The following KCNH8 variants were observed in gnomAD, a reference collection of about 807,000 sequenced individuals.
KCNH8 encodes the protein potassium voltage-gated channel subfamily H member 8, also known as voltage-gated delayed rectifier potassium channel KCNH8.
In KCNH8, 70 loss-of-function variants were observed where a neutral mutation model predicts 103.6. That is an observed-to-expected ratio of 0.68 (90% CI 0.56 to 0.82). The LOEUF (loss-of-function observed/expected upper bound fraction) is 0.82. Ranked by LOEUF, KCNH8 falls within the 40% of genes least tolerant of loss-of-function variation. The probability of loss-of-function intolerance (pLI) is 0.00; values close to 1 mark genes in which losing one functional copy is unlikely to be tolerated. For missense variants in KCNH8, 1,217 were observed against 1,329.9 expected, an observed-to-expected ratio of 0.92 and a Z score of 1.32; for synonymous variants, 498 against 489.4, an observed-to-expected ratio of 1.02 and a Z score of -0.23.
intron 6 of KCNH8, among the ~76,000 whole-genome samples, chr3:19,392,424 CT>C (rs1458067009): frequency 1.3e-5 from 2 of 151,704 alleles, no homozygotes; most frequent in African/African-American, 4.8e-5. Context: ...AAGCTGGCAC[CT>C]AAATTCGTTA....
Position 19,409,019 on chromosome 3 carries a change from AC to A in KCNH8, c.1177+13709del, listed in dbSNP as rs1168742027. On this transcript the variant is annotated intron_variant, in intron 7 of 15. Coordinates refer to ENST00000328405, the MANE Select transcript of KCNH8 (RefSeq NM_144633.3). ...AATTCAGATATAAGAAATTCAGAGA[AC>A]ACCTGTGAAACACTGTACAAAACAA... Among the ~76,000 whole-genome samples the A allele has an allele frequency of 2.0e-5, 3 of 152,282 alleles. No individual in the cohort carries two copies. The East Asian group carries it at 5.8e-4, about 29-fold the overall frequency.
At chr3:19,174,609 G>A (rs1334531781) in intron 1 of KCNH8, among the ~76,000 whole-genome samples, 2 of 152,128 alleles carry the variant, frequency 1.3e-5, no homozygotes, top group African/African-American at 4.8e-5. Flanking sequence ...CAAGTTTTTA[G>A]TGAGTTTATT....
chr3:19,450,333 A>G (rs2067428365), intron 9 of KCNH8, 28 bp downstream of exon 9: 1 of 1,564,932 alleles, frequency 6.4e-7, no homozygotes, highest in Admixed American at 1.7e-5. Flanking sequence ...TGTTGTTTTC[A>G]GGCAGAAAGC....
chr3:19,228,567 A>G (rs2063958277), intron 1 of KCNH8, among the ~76,000 whole-genome samples: 1 of 152,222 alleles, frequency 6.6e-6, no homozygotes, highest in Non-Finnish European at 1.5e-5. Context: ...TAGATTCTAT[A>G]ATGTATTGTG....
intron 3 of KCNH8, among the ~76,000 whole-genome samples, chr3:19,313,316 G>C (rs1343766164): frequency 1.3e-5 from 2 of 151,794 alleles, no homozygotes; most frequent in Non-Finnish European, 2.9e-5. Flanking sequence ...AAAATCCCAG[G>C]AGTTACAGTT....
At chr3:19,177,029 A>T (rs1283088445) in intron 1 of KCNH8, among the ~76,000 whole-genome samples, 1 of 152,142 alleles carries the variant, frequency 6.6e-6, no homozygotes, top group African/African-American at 2.4e-5. Context: ...CTTATCTAAC[A>T]CATGTGTTTT....
chr3:19,258,562 A>G (rs2064376064), intron 2 of KCNH8, among the ~76,000 whole-genome samples: 2 of 152,102 alleles, frequency 1.3e-5, no homozygotes, highest in South Asian at 4.2e-4. Flanking sequence ...GATTCTAACT[A>G]CCTGAATCCT....
At position 19,160,082 on chromosome 3, in the gene KCNH8, G is replaced by A. The variant is rs574253671; in HGVS notation, c.76+11287G>A. Among the ~76,000 whole-genome samples, 75 of 152,172 alleles carry A rather than the reference G, an allele frequency of 4.9e-4. No individual in the cohort carries two copies. The South Asian group carries it at 0.014, about 29-fold the overall frequency. On this transcript the variant is annotated intron_variant, in intron 1 of 15. Transcript: ENST00000328405. ...GATGCATAGATAACTGGGAGAAAAT[G>A]CAGACATTTACATTTGTCATGGGTG...
chr3:19,482,406 C>T (rs1421808916), intron 11 of KCNH8, among the ~76,000 whole-genome samples: 1 of 152,174 alleles, frequency 6.6e-6, no homozygotes, highest in African/African-American at 2.4e-5. Flanking sequence ...TTGAGAACCT[C>T]ACTCATTAGT....
At chr3:19,184,734 G>A (rs1225851413) in intron 1 of KCNH8, among the ~76,000 whole-genome samples, 1 of 151,748 alleles carries the variant, frequency 6.6e-6, no homozygotes, top group African/African-American at 2.4e-5. Context: ...GGATATGTAT[G>A]GAGACACTAG....
chr3:19,367,431 ATC>A (rs1391234567), intron 5 of KCNH8, among the ~76,000 whole-genome samples: 3 of 146,572 alleles, frequency 2.0e-5, no homozygotes, highest in African/African-American at 7.5e-5. Context: ...AAATATATAT[ATC>A]ATAATATATA....
intron 3 of KCNH8, among the ~76,000 whole-genome samples, chr3:19,297,759 A>C (rs535014391): frequency 2.2e-4 from 34 of 152,340 alleles, no homozygotes; most frequent in Non-Finnish European, 3.7e-4. Context: ...CCAAAAACAG[A>C]GAAGTGGTGA....
At chr3:19,422,510 T>G (rs1215861757) in intron 7 of KCNH8, among the ~76,000 whole-genome samples, 1 of 152,088 alleles carries the variant, frequency 6.6e-6, no homozygotes, top group Non-Finnish European at 1.5e-5. Context: ...GTTCCATATT[T>G]TAGCTGAAAA....
rs193293516 is a variant in KCNH8 at position 19,313,615 on chromosome 3, C to T, written c.443-28972C>T. ...GTGTGTTTGTCACATGCAGTATTAC[C>T]AGCCAGAAAACACTCTTGTTCTAGC... On this transcript the variant is annotated intron_variant, in intron 3 of 15. Transcript: ENST00000328405. Among the ~76,000 whole-genome samples, 359 of 151,700 alleles carry T rather than the reference C, an allele frequency of 2.4e-3. 5 individuals are homozygous for T. Among genetic ancestry groups the T allele is most frequent in the African/African-American group, 8.2e-3 (338 of 41,372 alleles).
At chr3:19,301,007 T>A (rs1394847412) in intron 3 of KCNH8, among the ~76,000 whole-genome samples, 1 of 151,778 alleles carries the variant, frequency 6.6e-6, no homozygotes, top group African/African-American at 2.4e-5. Flanking sequence ...TACAAGATAT[T>A]CTTCTAAGTA....
At chr3:19,249,569 CT>C (rs1374688274) in intron 1 of KCNH8, among the ~76,000 whole-genome samples, 2 of 152,166 alleles carry the variant, frequency 1.3e-5, no homozygotes, top group Admixed American at 1.3e-4. Context: ...CCTTCAGCAT[CT>C]TTTGTCAAAA....
chr3:19,273,908 T>C (rs954463622), intron 2 of KCNH8, among the ~76,000 whole-genome samples: 1 of 152,184 alleles, frequency 6.6e-6, no homozygotes, highest in African/African-American at 2.4e-5. Flanking sequence ...TTTTAAATAG[T>C]GGTTCTACTC....
At chr3:19,461,492 C>A (rs545894825) in intron 11 of KCNH8, among the ~76,000 whole-genome samples, 1 of 152,170 alleles carries the variant, frequency 6.6e-6, no homozygotes, top group Non-Finnish European at 1.5e-5. Flanking sequence ...TTTTCACAGA[C>A]AAAACCAAAA....
At chr3:19,429,264 T>C (rs988752950) in intron 7 of KCNH8, among the ~76,000 whole-genome samples, 2 of 148,214 alleles carry the variant, frequency 1.3e-5, no homozygotes, top group African/African-American at 5.0e-5. Flanking sequence ...AGCTCCGCCT[T>C]CCGGGTTCAC....
Sources: allele counts gnomAD v4.1 joint callset (sites outside exome capture counted in the v4.1 genomes callset), GRCh38; gene constraint gnomAD v4.1.1; transcripts MANE v1.5; gene names NCBI Gene and HGNC (gene_info 2026-07-23, HGNC 2026-07-21).